The following TMEM127 variants were observed in gnomAD, a reference collection of about 807,000 sequenced individuals.
TMEM127 encodes transmembrane protein 127.
A neutral mutation model predicts 20.1 loss-of-function variants in TMEM127; 21 were observed. That is an observed-to-expected ratio of 1.04 (90% CI 0.74 to 1.50). The LOEUF (loss-of-function observed/expected upper bound fraction) is 1.50, where lower values mean the gene tolerates loss of function less well. Ranked by LOEUF, TMEM127 falls within the 40% of genes most tolerant of loss-of-function variation. The pLI is 0.00. For missense variants in TMEM127, 303 were observed against 317.4 expected (o/e 0.95, Z 0.34); for synonymous variants, 150 against 144.7 (o/e 1.04, Z -0.26).
chr2:96,255,082 C>T (rs2104288291), intron 2 of TMEM127, 85 bp from the exon 3 acceptor site: 2 of 1,560,474 alleles, frequency 1.3e-6, no homozygotes, highest in Non-Finnish European at 1.7e-6. Context: ...GATTCCCCTC[C>T]ACCACAGTCC....
rs1320516231 is a variant in TMEM127 at position 96,265,876 on chromosome 2, C to A, written c.-139G>T. On this transcript the variant is annotated 5_prime_UTR_variant, in exon 1 of 4. Transcript: ENST00000258439. ...CCGCCCACTGTTCCTCACCAGTCAG[C>A]AGGCCCCAGGGCTGGGATGGTGCTG... is the stretch of plus-strand genomic sequence containing the variant. 5.9e-6 allele frequency: 1 copy of A among 170,226 alleles called. No homozygotes were observed. The highest frequency in any genetic ancestry group is 2.4e-5 in the African/African-American group (1 of 42,180). The allele number at this position is 170,226 out of a possible 1,614,324, so 10.5% of individuals were successfully genotyped here. A position where few individuals can be genotyped will look rare whatever the true frequency, so the allele number is the denominator to read the frequency against.
Position 96,251,886 on chromosome 2 carries a change from T to C in TMEM127, c.*1922A>G. On this transcript the variant is annotated 3_prime_UTR_variant, in exon 4 of 4. Transcript: ENST00000258439. ...CAGGAGATGACCAGTCCCTTTGGCA[T>C]GCAGGTCCAGTGCCTGGTCTTCTGG... 1 of 233,352 alleles carries C rather than the reference T, an allele frequency of 4.3e-6. No individual in the cohort carries two copies. Among genetic ancestry groups the C allele is most frequent in the Non-Finnish European group, 8.5e-6 (1 of 117,840 alleles). The allele number at this position is 233,352 out of a possible 1,614,324, so 14.5% of individuals were successfully genotyped here.
chr2:96,252,635 TGACA>T lies in TMEM127; in HGVS notation c.*1169_*1172del, dbSNP rs955453502. The T allele has an allele frequency of 2.1e-5, 5 of 233,828 alleles. No individual in the cohort carries two copies. The highest frequency in any genetic ancestry group is 1.1e-4 in the African/African-American group (5 of 45,372). The allele number at this position is 233,828 out of a possible 1,614,324, so 14.5% of individuals were successfully genotyped here. On this transcript the variant is annotated 3_prime_UTR_variant, in exon 4 of 4. Coordinates refer to ENST00000258439, the MANE Select transcript of TMEM127 (RefSeq NM_017849.4). The surrounding 1 kb of genome is among the most constrained non-coding windows in gnomAD (Gnocchi z 4.2). ...AAGGACACAGCCCGGCCTGCTGGGCTGACAGTGTGGGTCTGATGCCTCACATGAT... is the reference window on the plus strand; with the variant it reads ...AAGGACACAGCCCGGCCTGCTGGGCTGTGTGGGTCTGATGCCTCACATGAT...
intron 2 of TMEM127, among the ~76,000 whole-genome samples, chr2:96,260,331 C>A (rs1215075832): frequency 6.6e-6 from 1 of 152,178 alleles, no homozygotes; most frequent in Non-Finnish European, 1.5e-5. Context: ...GGGAAGGCAA[C>A]AAGCACCTGC....
Position 96,249,935 on chromosome 2 carries a change from C to T in TMEM127, c.*3873G>A. On this transcript the variant is annotated 3_prime_UTR_variant, in exon 4 of 4. Coordinates refer to ENST00000258439, the MANE Select transcript of TMEM127 (RefSeq NM_017849.4). ...TTCTCGTGTGCGGGCCCCTCTTCGC[C>T]TGTGCAGTTGATGCCACCTTCCAGC... The T allele has an allele frequency of 4.3e-6, 1 of 233,274 alleles. No homozygotes were observed. Among genetic ancestry groups the T allele is most frequent in the East Asian group, 6.0e-5 (1 of 16,576 alleles). 14.5% of individuals were successfully genotyped at this position (233,274 alleles called of 1,614,324 possible).
In TMEM127 at chr2:96,259,664, G is replaced by A. The variant is rs372617169; in HGVS notation, c.245-4667C>T. Among the ~76,000 whole-genome samples the A allele has an allele frequency of 6.6e-4, 101 of 152,356 alleles. 2 individuals are homozygous for A. In the South Asian group the frequency reaches 0.02, roughly 31 times the overall value. On this transcript the variant is annotated intron_variant, in intron 2 of 3. Coordinates refer to ENST00000258439, the MANE Select transcript of TMEM127 (RefSeq NM_017849.4). ...TGCTCTAGGAAGTGGTCAGGACACC[G>A]GAAAGGCTTGGGACCTGGCGCCGAA...
intron 3 of TMEM127, among the ~76,000 whole-genome samples, chr2:96,254,604 A>G (rs1684162988): frequency 6.6e-6 from 1 of 152,182 alleles, no homozygotes; most frequent in Non-Finnish European, 1.5e-5. Flanking sequence ...ATTTCTAGCA[A>G]CATTTCCCCT....
chr2:96,265,485 GT>G lies in TMEM127; in HGVS notation c.-105del. The G allele has an allele frequency of 7.9e-7, 1 of 1,260,026 alleles. No homozygotes were observed. Among genetic ancestry groups the G allele is most frequent in the Non-Finnish European group, 1.0e-6 (1 of 1,002,782 alleles). 78.1% of individuals were successfully genotyped at this position (1,260,026 alleles called of 1,614,324 possible). ...CCGGTGGAGGATAGCAACGCTCCGG[GT>G]TCGCTGCAGGTGAAGCCGGGACTGG... On this transcript the variant is annotated 5_prime_UTR_variant, in exon 2 of 4. Transcript: ENST00000258439.
At chr2:96,262,406 T>C (rs1419263199) in intron 2 of TMEM127, among the ~76,000 whole-genome samples, 1 of 152,110 alleles carries the variant, frequency 6.6e-6, no homozygotes, top group East Asian at 1.9e-4. Flanking sequence ...GGATACTACA[T>C]GTCTGAAGGC....
intron 2 of TMEM127, among the ~76,000 whole-genome samples, chr2:96,264,194 T>C (rs1165459550): frequency 6.6e-6 from 1 of 152,200 alleles, no homozygotes; most frequent in Non-Finnish European, 1.5e-5. Context: ...AGCGGGGAAC[T>C]TGGACCTTTT....
chr2:96,254,843 A>G lies in TMEM127; in HGVS notation c.399T>C (p.His133=). Residue 133 remains histidine, a synonymous_variant, in exon 3 of 4, where the codon CAT becomes CAC. Coordinates refer to ENST00000258439, the MANE Select transcript of TMEM127 (RefSeq NM_017849.4). ...AGGCTCACGGCTTACCCGTTAGGAT[A>G]TGGGCGAAGGCATAGCGACGAGTGA... ...LKITRRYAFA[H]ILTVLQCATV... is the part of the protein sequence containing the mutation. 1 of 1,614,114 alleles carries G rather than the reference A, an allele frequency of 6.2e-7. No homozygotes were observed. The highest frequency in any genetic ancestry group is 8.5e-7 in the Non-Finnish European group (1 of 1,179,992).
chr2:96,265,436 G>A lies in TMEM127; in HGVS notation c.-55C>T. The A allele has an allele frequency of 1.5e-6, 2 of 1,310,494 alleles. No individual in the cohort carries two copies. The highest frequency in any genetic ancestry group is 1.9e-6 in the Non-Finnish European group (2 of 1,036,864). 81.2% of individuals were successfully genotyped at this position (1,310,494 alleles called of 1,614,324 possible). A position where few individuals can be genotyped will look rare whatever the true frequency, so the allele number is the denominator to read the frequency against. On this transcript the variant is annotated 5_prime_UTR_variant, in exon 2 of 4. Transcript: ENST00000258439. ...TCGCTGCTGGTCGCCGCCGACCTCCGCGGGGCGCGCAGAGCCTGACAGTCC... is the reference window on the plus strand; with the variant it reads ...TCGCTGCTGGTCGCCGCCGACCTCCACGGGGCGCGCAGAGCCTGACAGTCC...
rs1684135921 is a variant in TMEM127, at chr2:96,253,593, G to A, written c.*215C>T. The A allele has an allele frequency of 1.7e-6, 1 of 584,638 alleles. No homozygotes were observed. Among genetic ancestry groups the A allele is most frequent in the African/African-American group, 1.9e-5 (1 of 53,906 alleles). 36.2% of individuals were successfully genotyped at this position (584,638 alleles called of 1,614,324 possible). On this transcript the variant is annotated 3_prime_UTR_variant, in exon 4 of 4. Transcript: ENST00000258439. The surrounding 1 kb of genome is among the most constrained non-coding windows in gnomAD (Gnocchi z 4.3). ...GTGAAGGGGGCAGGATGTGGCAGGA[G>A]GGAAAGAGTACATTATAGAAAACCA...
At position 96,265,394 on chromosome 2, in the gene TMEM127, C is replaced by A; in HGVS notation, c.-13G>T. On this transcript the variant is annotated 5_prime_UTR_variant, in exon 2 of 4. Transcript: ENST00000258439. ...CGGGGGCGTACATGCCCGGGGCCGCCCGCCGTCGCTCCGCAGTCGCTGCTG... is the reference window on the plus strand; with the variant it reads ...CGGGGGCGTACATGCCCGGGGCCGCACGCCGTCGCTCCGCAGTCGCTGCTG... 1 of 1,366,864 alleles carries A rather than the reference C, an allele frequency of 7.3e-7. No homozygotes were observed. The highest frequency in any genetic ancestry group is 9.4e-7 in the Non-Finnish European group (1 of 1,066,110). 84.7% of individuals were successfully genotyped at this position (1,366,864 alleles called of 1,614,324 possible).
intron 2 of TMEM127, 49 bp downstream of exon 2, chr2:96,265,089 C>T: frequency 6.2e-7 from 1 of 1,608,518 alleles, no homozygotes; most frequent in Non-Finnish European, 8.5e-7. Flanking sequence ...AGCCAGAACA[C>T]ATTCTGTCCC....
intron 2 of TMEM127, among the ~76,000 whole-genome samples, chr2:96,261,159 C>T (rs1448610231): frequency 6.6e-6 from 1 of 152,168 alleles, no homozygotes. Context: ...TGACTATCTG[C>T]GGCCCCTCTT....
rs181429509 is a variant in TMEM127, at chr2:96,255,000, G to A, written c.245-3C>T. The A allele has an allele frequency of 1.5e-5, 24 of 1,614,156 alleles. No individual in the cohort carries two copies. The Admixed American group carries it at 1.7e-4, about 11-fold the overall frequency. On this transcript the variant is annotated splice_polypyrimidine_tract_variant and splice_region_variant and intron_variant, in intron 2 of 3. Transcript: ENST00000258439. Reference sequence around the variant, plus strand: ...TGTCTGGGGATTCATGCAGAAATCTGTAGAGGGAGAACCAAATTTTCACGG... The same window carrying A: ...TGTCTGGGGATTCATGCAGAAATCTATAGAGGGAGAACCAAATTTTCACGG...
chr2:96,251,188 G>C lies in TMEM127; in HGVS notation c.*2620C>G. 3 of 217,064 alleles carry C rather than the reference G, an allele frequency of 1.4e-5. No individual in the cohort carries two copies. Among genetic ancestry groups the C allele is most frequent in the Non-Finnish European group, 2.8e-5 (3 of 107,756 alleles). The allele number at this position is 217,064 out of a possible 1,614,324, so 13.4% of individuals were successfully genotyped here. A position where few individuals can be genotyped will look rare whatever the true frequency, so the allele number is the denominator to read the frequency against. On this transcript the variant is annotated 3_prime_UTR_variant, in exon 4 of 4. Coordinates refer to ENST00000258439, the MANE Select transcript of TMEM127 (RefSeq NM_017849.4). The stretch of plus-strand genomic sequence containing the variant: ...TCTGGGGGTGAAAATGCCATGCACG[G>C]AGCTGGCCCATGCCAAGTCCCTTCT...
rs121908819 is a variant in TMEM127, at chr2:96,265,174, C to T, written c.208G>A (p.Asp70Asn). Residue 70 changes from aspartate (D) to asparagine (N), a missense_variant, in exon 2 of 4, where the codon GAC becomes AAC. Physicochemically the swap from Asp to Asn is conservative, Grantham distance 23. Coordinates refer to ENST00000258439, the MANE Select transcript of TMEM127 (RefSeq NM_017849.4). ...TCSRQELGVS[D>N]VLGYVHPDLL... ...TCCGGGTGCACATAGCCCAACACGT[C>T]GGAGACCCCCAGCTCCTGGCGCGAA... 1.3e-4 allele frequency: 215 copies of T among 1,611,112 alleles called. 1 individual carries two copies. In the African/African-American group the frequency reaches 2.5e-3, roughly 19 times the overall value.
Sources: allele counts gnomAD v4.1 joint callset (sites outside exome capture counted in the v4.1 genomes callset), GRCh38; gene constraint gnomAD v4.1.1; non-coding constraint Gnocchi (gnomAD v3.1); transcripts MANE v1.5; gene names NCBI Gene and HGNC (gene_info 2026-07-23, HGNC 2026-07-21).